The following MCM3 variants were observed in gnomAD, a reference collection of about 807,000 sequenced individuals.
MCM3 encodes the protein DNA replication licensing factor MCM3.
A neutral mutation model predicts 91.3 loss-of-function variants in MCM3; 59 were observed. That is an observed-to-expected ratio of 0.65 (90% CI 0.52 to 0.80). The LOEUF (loss-of-function observed/expected upper bound fraction) is 0.80, where lower values mean the gene tolerates loss of function less well. MCM3 is among the 30% of genes least tolerant of loss of function. MCM3 has a pLI of 0.00. For missense variants in MCM3, 919 were observed against 1,035.4 expected (o/e 0.89, Z 1.54); for synonymous variants, 383 against 379.6 (o/e 1.01, Z -0.10).
At chr6:52,279,187 A>G (rs1042676441) in intron 5 of MCM3, among the ~76,000 whole-genome samples, 174 bp downstream of exon 5, 6 of 152,218 alleles carry the variant, frequency 3.9e-5, no homozygotes, top group African/African-American at 1.4e-4. Flanking sequence ...ATGGTTAAGT[A>G]TCACCAGCTT....
At chr6:52,281,615 G>A (rs1352616131) in intron 4 of MCM3, among the ~76,000 whole-genome samples, 2 of 152,110 alleles carry the variant, frequency 1.3e-5, no homozygotes, top group Non-Finnish European at 2.9e-5. Flanking sequence ...AGGAGTTTCA[G>A]GCTGCAGTGT....
chr6:52,273,120 G>A (rs1318137942), intron 11 of MCM3, 110 bp downstream of exon 11: 1 of 1,288,452 alleles, frequency 7.8e-7, no homozygotes. Context: ...ATGACTCCAG[G>A]CATGGCTTTG....
intron 14 of MCM3, among the ~76,000 whole-genome samples, chr6:52,266,936 C>G (rs1162822729): frequency 6.6e-6 from 1 of 152,066 alleles, no homozygotes; most frequent in Non-Finnish European, 1.5e-5. Flanking sequence ...CTTATAAATT[C>G]AACTATAAGC....
At chr6:52,277,835 G>A (rs756266662) in intron 6 of MCM3, 147 bp from the exon 7 acceptor site, 20 of 610,196 alleles carry the variant, frequency 3.3e-5, no homozygotes, top group Admixed American at 2.0e-4. Flanking sequence ...TTGGGAGGCC[G>A]AGGCAGGCAG....
Position 52,267,983 on chromosome 6 carries a change from A to G in MCM3, c.1969-15T>C. The G allele has an allele frequency of 1.2e-6, 2 of 1,614,046 alleles. No individual in the cohort carries two copies. Among genetic ancestry groups the G allele is most frequent in the Non-Finnish European group, 1.7e-6 (2 of 1,179,926 alleles). ...TTCTCCAGAACCTAAGACCAAGGCA[A>G]GTGTGGCTGGGCTAGAGGGGTCACT... On this transcript the variant is annotated splice_polypyrimidine_tract_variant and intron_variant, in intron 13 of 16. Coordinates refer to ENST00000596288, the MANE Select transcript of MCM3 (RefSeq NM_002388.6).
chr6:52,269,013 G>A lies in MCM3; in HGVS notation c.1968+73C>T, dbSNP rs558047877. The A allele has an allele frequency of 1.0e-4, 154 of 1,485,226 alleles. No homozygotes were observed. The African/African-American group carries it at 1.5e-3, about 14-fold the overall frequency. 92.0% of individuals were successfully genotyped at this position (1,485,226 alleles called of 1,614,324 possible). On this transcript the variant is annotated intron_variant, in intron 13 of 16. Transcript: ENST00000596288. ...CAATCCAAATGTAGCCGTCAGCCAC[G>A]GAAGGCTGGGAAGCCCATGCATCTG...
intron 12 of MCM3, 49 bp downstream of exon 12, chr6:52,272,252 C>T: frequency 6.4e-7 from 1 of 1,557,806 alleles, no homozygotes; most frequent in Non-Finnish European, 8.7e-7. Context: ...GACTCCTGCC[C>T]AGCCATATAC....
At position 52,267,914 on chromosome 6, in the gene MCM3, C is replaced by G. The variant is rs1201670776; in HGVS notation, c.2023G>C (p.Glu675Gln). ...TCTTGGCTTTTCTCCTCTTCATCTT[C>G]TGTCTCTGATTCATCCTCACTTCGC... Reference protein sequence around the residue: ...KKRSEDESETEDEEEKSQEDQ... With the variant: ...KKRSEDESETQDEEEKSQEDQ... The change falls in exon 14 of 17, where the codon GAA becomes CAA. Residue 675 changes from glutamate to glutamine, a missense_variant. Around this residue, in one of 3 missense-constraint regions of MCM3, gnomAD observed 285 missense variants for 311.4 expected, o/e 0.92. Transcript: ENST00000596288. 6 of 1,504,408 alleles carry G rather than the reference C, an allele frequency of 4.0e-6. No homozygotes were observed. Among genetic ancestry groups the G allele is most frequent in the Non-Finnish European group, 5.5e-6 (6 of 1,081,464 alleles). 93.2% of individuals were successfully genotyped at this position (1,504,408 alleles called of 1,614,324 possible). A position where few individuals can be genotyped will look rare whatever the true frequency, so the allele number is the denominator to read the frequency against.
chr6:52,282,057 G>A lies in MCM3; in HGVS notation c.519C>T (p.Val173=). ...TTATCCCCCTTACCTTGGTAGGATA[G>A]ACAGAGCTGGAGGGAAAGGCCACCA... is the stretch of plus-strand genomic sequence containing the variant. ...TTLVAFPSSS[V]YPTKDEENNP... is the part of the protein sequence containing the mutation. Residue 173 remains valine, a synonymous_variant, in exon 4 of 17, where the codon GTC becomes GTT. Coordinates refer to ENST00000596288, the MANE Select transcript of MCM3 (RefSeq NM_002388.6). 1 of 1,614,128 alleles carries A rather than the reference G, an allele frequency of 6.2e-7. No individual in the cohort carries two copies. The highest frequency in any genetic ancestry group is 8.5e-7 in the Non-Finnish European group (1 of 1,180,004).
intron 2 of MCM3, among the ~76,000 whole-genome samples, 165 bp downstream of exon 2, chr6:52,283,129 C>G (rs1766279513): frequency 8.1e-6 from 1 of 122,968 alleles, no homozygotes; most frequent in South Asian, 2.9e-4. Flanking sequence ...TGCCAACCAC[C>G]CACTTTTTGA....
At chr6:52,276,043 A>G in intron 9 of MCM3, 1 of 543,812 alleles carries the variant, frequency 1.8e-6, no homozygotes, top group East Asian at 3.1e-5. Flanking sequence ...GTTTAACTGT[A>G]CTGTTAAAAA....
chr6:52,280,228 T>C (rs770711619), intron 4 of MCM3, among the ~76,000 whole-genome samples: 43 of 152,240 alleles, frequency 2.8e-4, no homozygotes, highest in Non-Finnish European at 6.0e-4. Context: ...TTCTGTGTGC[T>C]AATATTTCCT....
Position 52,284,676 on chromosome 6 carries a change from C to T in MCM3, c.-2G>A, listed in dbSNP as rs548742111. 3.5e-5 allele frequency: 57 copies of T among 1,606,330 alleles called. No homozygotes were observed. In the South Asian group the frequency reaches 6.2e-4, roughly 18 times the overall value. The stretch of plus-strand genomic sequence containing the variant: ...GTCCAGCACCACGGTACCCGCCATG[C>T]CCGCTGCCAAAGAACTACCTCCACC... On this transcript the variant is annotated 5_prime_UTR_variant, in exon 1 of 17. Coordinates refer to ENST00000596288, the MANE Select transcript of MCM3 (RefSeq NM_002388.6).
chr6:52,284,180 T>C (rs894315460), intron 1 of MCM3, among the ~76,000 whole-genome samples: 26 of 152,208 alleles, frequency 1.7e-4, no homozygotes, highest in Admixed American at 7.9e-4. Flanking sequence ...ATGGAGTCTT[T>C]TCCTCCAGGT....
chr6:52,269,330 G>T, intron 12 of MCM3, 104 bp from the exon 13 acceptor site: 1 of 1,150,150 alleles, frequency 8.7e-7, no homozygotes, highest in Non-Finnish European at 1.2e-6. Context: ...GCCCCAGGAG[G>T]CCCAAGCAAA....
chr6:52,283,256 A>G, intron 2 of MCM3, 38 bp downstream of exon 2: 1 of 1,546,060 alleles, frequency 6.5e-7, no homozygotes, highest in Non-Finnish European at 8.9e-7. Context: ...GAAGGGAGCC[A>G]TTCTCACTGA....
intron 14 of MCM3, among the ~76,000 whole-genome samples, chr6:52,267,663 G>A: frequency 6.6e-6 from 1 of 151,824 alleles, no homozygotes; most frequent in African/African-American, 2.4e-5. Context: ...GAGCAGCTGG[G>A]ACCACAAGTG....
At chr6:52,278,890 A>G (rs1765813817) in intron 5 of MCM3, 40 bp from the exon 6 acceptor site, 1 of 1,411,348 alleles carries the variant, frequency 7.1e-7, no homozygotes, top group African/African-American at 1.4e-5. Flanking sequence ...GTTATATTCA[A>G]TTCCTAACAT....
Position 52,277,105 on chromosome 6 carries a change from A to T in MCM3, c.1127T>A (p.Val376Glu). The change falls in exon 8 of 17, where the codon GTG becomes GAG. Residue 376 changes from valine to glutamate, a missense_variant. Val to Glu is a moderately radical substitution (Grantham distance 121). This residue lies in a region of MCM3 where 233 missense variants were observed against 321.2 expected (regional missense o/e 0.73). Coordinates refer to ENST00000596288, the MANE Select transcript of MCM3 (RefSeq NM_002388.6). ...TGTGGTGACAGCAGCCGTCAGACCC[A>T]CTCCAGAGGAGCCCCGGCCAGTGGT... ...IPTTGRGSSG[V>E]GLTAAVTTDQ... is the part of the protein sequence containing the mutation. 6.2e-7 allele frequency: 1 copy of T among 1,613,876 alleles called. No homozygotes were observed. The highest frequency in any genetic ancestry group is 8.5e-7 in the Non-Finnish European group (1 of 1,179,948).
Sources: gnomAD v4.1 joint callset for allele counts (sites outside exome capture counted in the v4.1 genomes callset) on GRCh38, gnomAD v4.1.1 for gene constraint, gnomAD v4.1.1 regional missense constraint, MANE v1.5 for transcripts, NCBI Gene and HGNC (gene_info 2026-07-23, HGNC 2026-07-21) for gene names.